The following PDE1C variants were observed in gnomAD, a reference collection of about 807,000 sequenced individuals.
The protein encoded by PDE1C is dual specificity calcium/calmodulin-dependent 3',5'-cyclic nucleotide phosphodiesterase 1C.
Under a neutral mutation model 93.1 loss-of-function variants are expected in PDE1C, and 62 were observed. That is an observed-to-expected ratio of 0.67 (90% CI 0.54 to 0.82). PDE1C has a LOEUF of 0.82. Among genes scored for constraint, PDE1C ranks in the 40% least tolerant of loss-of-function variants. The pLI is 0.00. For missense variants in PDE1C, 742 were observed against 884.6 expected (o/e 0.84, Z 2.04); for synonymous variants, 325 against 310.1 (o/e 1.05, Z -0.50).
intron 1 of PDE1C, among the ~76,000 whole-genome samples, chr7:32,385,849 C>G (rs1182331684): frequency 6.6e-6 from 1 of 152,110 alleles, no homozygotes; most frequent in Non-Finnish European, 1.5e-5. Flanking sequence ...GTTCACCAGG[C>G]TAATTATAGA....
intron 3 of PDE1C, among the ~76,000 whole-genome samples, chr7:32,137,112 A>G (rs1055550910): frequency 6.6e-6 from 1 of 152,202 alleles, no homozygotes; most frequent in East Asian, 1.9e-4. Flanking sequence ...AGACTATCAT[A>G]GTGTTTTTAT....
At chr7:32,008,739 GAA>G (rs571030610) in intron 2 of PDE1C, among the ~76,000 whole-genome samples, 2 of 149,912 alleles carry the variant, frequency 1.3e-5, no homozygotes, top group South Asian at 4.2e-4. Context: ...TTAGTGAACT[GAA>G]AAAAAAAGAC....
intron 2 of PDE1C, among the ~76,000 whole-genome samples, chr7:32,038,483 C>A (rs989109310): frequency 7.9e-5 from 12 of 152,096 alleles, no homozygotes; most frequent in African/African-American, 2.9e-4. Flanking sequence ...ATATAGCATA[C>A]ACGCATTGTC....
chr7:31,891,250 C>G (rs73690324), intron 2 of PDE1C, among the ~76,000 whole-genome samples: 3,853 of 152,234 alleles, frequency 0.025, 77 homozygotes, highest in African/African-American at 0.056. Flanking sequence ...GCCATAGTCA[C>G]CTAACTACGT....
At chr7:32,407,418 G>T (rs1785077629) in intron 1 of PDE1C, among the ~76,000 whole-genome samples, 1 of 152,154 alleles carries the variant, frequency 6.6e-6, no homozygotes, top group Non-Finnish European at 1.5e-5. Flanking sequence ...TGGATGAGAA[G>T]AAGAAGCATG....
At chr7:31,694,917 G>A in the PDE1C span, among the ~76,000 whole-genome samples, 1 of 152,182 alleles carries the variant, frequency 6.6e-6, no homozygotes, top group Non-Finnish European at 1.5e-5. Context: ...TGGGCAAATA[G>A]GAGGGTTACA....
intron 1 of PDE1C, among the ~76,000 whole-genome samples, chr7:32,420,869 A>C (rs149529899): frequency 3.2e-4 from 48 of 152,234 alleles, no homozygotes; most frequent in African/African-American, 8.9e-4. Flanking sequence ...TCAATGTGAG[A>C]GTCCGTTTTC....
At chr7:31,642,815 G>C in the PDE1C span, 1 of 1,613,840 alleles carries the variant, frequency 6.2e-7, no homozygotes, top group Non-Finnish European at 8.5e-7. Context: ...AGTAGGGCGA[G>C]CATGTCTTTT....
chr7:31,885,064 A>G (rs1211241333), intron 2 of PDE1C, among the ~76,000 whole-genome samples: 1 of 152,190 alleles, frequency 6.6e-6, no homozygotes, highest in Non-Finnish European at 1.5e-5. Flanking sequence ...CTCAGAGGCC[A>G]GGTCCCATGG....
intron 1 of PDE1C, among the ~76,000 whole-genome samples, chr7:32,404,823 G>A (rs215738): frequency 0.85 from 129,164 of 152,176 alleles, 57,139 homozygotes; most frequent in East Asian, 0.99. Flanking sequence ...GAGATAAATT[G>A]GATGGGAAGA....
the PDE1C span, among the ~76,000 whole-genome samples, chr7:31,744,954 C>T: frequency 6.6e-6 from 1 of 151,856 alleles, no homozygotes; most frequent in East Asian, 1.9e-4. Context: ...AAAAATATAG[C>T]AGAGATATGT....
At chr7:32,324,787 A>G (rs1490145497) in intron 1 of PDE1C, among the ~76,000 whole-genome samples, 1 of 152,152 alleles carries the variant, frequency 6.6e-6, no homozygotes, top group African/African-American at 2.4e-5. Flanking sequence ...CATCTATATG[A>G]AAAATTTAAA....
chr7:32,108,783 C>A lies in PDE1C; in HGVS notation c.308+61002G>T, dbSNP rs962012315. Among the ~76,000 whole-genome samples the A allele has an allele frequency of 3.9e-5, 6 of 152,282 alleles. No homozygotes were observed. The South Asian group carries it at 8.3e-4, about 21-fold the overall frequency. On this transcript the variant is annotated intron_variant, in intron 3 of 18. Transcript: ENST00000396193. ...CATTGCCAGATATAAGCCCAAGTGC[C>A]CTCTGGCCTGGTCCATGCCTACAGA...
chr7:32,166,291 T>C (rs1389492968), intron 3 of PDE1C, among the ~76,000 whole-genome samples: 1 of 152,176 alleles, frequency 6.6e-6, no homozygotes, highest in Non-Finnish European at 1.5e-5. Context: ...GTACAACCAC[T>C]ATCAGAAGTC....
At chr7:31,916,210 C>T (rs973698542) in intron 2 of PDE1C, among the ~76,000 whole-genome samples, 1 of 152,096 alleles carries the variant, frequency 6.6e-6, no homozygotes, top group Non-Finnish European at 1.5e-5. Context: ...AATACTATTA[C>T]TATTGACTTC....
rs143359144 is a variant in PDE1C at position 31,879,045 on chromosome 7, G to T, written c.376C>A (p.Arg126=). ...ACTGCGTGAACGATGCTCTTGAACC[G>T]GGGCTTCTCGTCGCTCCTCCTGAGC... ...MMLRRSDEKP[R]FKSIVHAVQA... is the part of the protein sequence containing the mutation. The change falls in exon 4 of 18, where the codon CGG becomes AGG. Residue 126 remains arginine (R), a synonymous_variant. Coordinates refer to ENST00000396191, the MANE Select transcript of PDE1C (RefSeq NM_001191057.4). The T allele has an allele frequency of 1.7e-5, 28 of 1,613,988 alleles. No homozygotes were observed. Among genetic ancestry groups the T allele is most frequent in the Non-Finnish European group, 2.2e-5 (26 of 1,180,016 alleles).
chr7:32,016,072 A>T (rs1169374673), intron 2 of PDE1C, among the ~76,000 whole-genome samples: 1 of 152,194 alleles, frequency 6.6e-6, no homozygotes, highest in Non-Finnish European at 1.5e-5. Context: ...GAATTTCTGC[A>T]GACTGCTCCT....
intron 2 of PDE1C, among the ~76,000 whole-genome samples, chr7:31,937,099 T>C (rs1014238469): frequency 1.3e-5 from 2 of 152,110 alleles, no homozygotes; most frequent in African/African-American, 4.8e-5. Flanking sequence ...GGGGGGATTG[T>C]GGAAGCCAAG....
the PDE1C span, among the ~76,000 whole-genome samples, chr7:31,650,846 C>T: frequency 6.6e-6 from 1 of 152,202 alleles, no homozygotes; most frequent in Non-Finnish European, 1.5e-5. Context: ...CTTCTACCTA[C>T]ATCCTTGCAT....
Sources: allele counts gnomAD v4.1 joint callset (sites outside exome capture counted in the v4.1 genomes callset), GRCh38; gene constraint gnomAD v4.1.1; transcripts MANE v1.5; gene names NCBI Gene and HGNC (gene_info 2026-07-23, HGNC 2026-07-21).